KLHL1: variants seen among roughly 807,000 people sequenced by gnomAD.
The protein encoded by KLHL1 is kelch like family member 1.
KLHL1 carries 47 observed loss-of-function variants against 77.7 expected under a neutral mutation model. That is an observed-to-expected ratio of 0.60 (90% CI 0.48 to 0.77). The LOEUF (loss-of-function observed/expected upper bound fraction) is 0.77, where lower values mean the gene tolerates loss of function less well. KLHL1 is among the 30% of genes least tolerant of loss of function. The probability of loss-of-function intolerance (pLI) is 0.00; values close to 1 mark genes in which losing one functional copy is unlikely to be tolerated. For synonymous variants in KLHL1, 360 were observed against 325.2 expected (o/e 1.11, Z -1.15); for missense variants, 925 against 910.8 (o/e 1.02, Z -0.20).
intron 1 of KLHL1, among the ~76,000 whole-genome samples, chr13:70,034,738 G>A (rs985213167): frequency 1.2e-4 from 18 of 152,094 alleles, no homozygotes; most frequent in African/African-American, 3.1e-4. Context: ...ATACACCATC[G>A]TTCTTTTCTC....
chr13:69,975,465 A>G (rs1884516840), intron 2 of KLHL1, among the ~76,000 whole-genome samples, 155 bp downstream of exon 2: 1 of 149,912 alleles, frequency 6.7e-6, no homozygotes, highest in Non-Finnish European at 1.5e-5. Context: ...AGAAATAAAA[A>G]CAAGTATAAA....
At chr13:69,729,395 TTAAGA>T (rs1873443514) in intron 8 of KLHL1, among the ~76,000 whole-genome samples, 1 of 152,118 alleles carries the variant, frequency 6.6e-6, no homozygotes. Flanking sequence ...TAACCTAAAC[TTAAGA>T]TAAGTGTTCA....
In KLHL1 at chr13:70,048,740, G is replaced by A. The variant is rs114453606; in HGVS notation, c.497+58463C>T. 6.0e-3 allele frequency among the ~76,000 whole-genome samples: 917 copies of A among 152,286 alleles called. 16 individuals carry two copies. The highest frequency in any genetic ancestry group is 0.021 in the African/African-American group (860 of 41,570). On this transcript the variant is annotated intron_variant, in intron 1 of 10. Transcript: ENST00000377844. ...GAAGAGTTCAGGCAGTGATGCCAGC[G>A]ATGGAGAGCAGTTGTAAATACAGAT...
chr13:69,820,705 C>A (rs975646687), intron 6 of KLHL1, among the ~76,000 whole-genome samples: 1 of 152,190 alleles, frequency 6.6e-6, no homozygotes, highest in East Asian at 1.9e-4. Flanking sequence ...ACATTCAGGC[C>A]GAATTTGCTC....
intron 1 of KLHL1, among the ~76,000 whole-genome samples, chr13:70,038,469 A>G (rs1305940781): frequency 6.6e-6 from 1 of 152,132 alleles, no homozygotes; most frequent in Non-Finnish European, 1.5e-5. Context: ...CTAATTTTTT[A>G]AGAAACTGCC....
intron 4 of KLHL1, among the ~76,000 whole-genome samples, chr13:69,887,190 C>T (rs141780250): frequency 6.6e-6 from 1 of 152,250 alleles, no homozygotes; most frequent in East Asian, 1.9e-4. Context: ...CATGGTTCTA[C>T]TATTTTAAGG....
At chr13:70,102,031 A>G (rs916807846) in intron 1 of KLHL1, among the ~76,000 whole-genome samples, 3 of 152,066 alleles carry the variant, frequency 2.0e-5, no homozygotes, top group Admixed American at 6.6e-5. Flanking sequence ...GTGGTAAAGA[A>G]GATGAATATT....
At chr13:70,029,864 G>A (rs1234074337) in intron 1 of KLHL1, among the ~76,000 whole-genome samples, 3 of 152,136 alleles carry the variant, frequency 2.0e-5, no homozygotes, top group Admixed American at 6.5e-5. Flanking sequence ...CATCTCATGT[G>A]CAGAGACACA....
At chr13:69,813,467 T>A (rs1301494062) in intron 6 of KLHL1, among the ~76,000 whole-genome samples, 4 of 134,652 alleles carry the variant, frequency 3.0e-5, no homozygotes, top group African/African-American at 1.1e-4. Flanking sequence ...AATACACACA[T>A]ATATACACAC....
intron 4 of KLHL1, among the ~76,000 whole-genome samples, chr13:69,918,354 GA>G (rs1464048311): frequency 2.0e-5 from 3 of 151,784 alleles, no homozygotes; most frequent in South Asian, 4.1e-4. Flanking sequence ...TACGAAGAGT[GA>G]TTTTTTTATT....
chr13:69,858,790 A>C (rs1880021990), intron 5 of KLHL1, among the ~76,000 whole-genome samples: 1 of 152,102 alleles, frequency 6.6e-6, no homozygotes, highest in African/African-American at 2.4e-5. Flanking sequence ...TTAAGCAATA[A>C]TGATAAGTAC....
At chr13:69,769,505 G>T (rs1875462460) in intron 7 of KLHL1, among the ~76,000 whole-genome samples, 1 of 152,120 alleles carries the variant, frequency 6.6e-6, no homozygotes. Flanking sequence ...CCTGAAAACT[G>T]GGCTGCTGGT....
In KLHL1 at chr13:69,940,157, T is replaced by G; in HGVS notation, c.897A>C (p.Glu299Asp). Reference sequence around the variant, plus strand: ...GCTTCATGAGGAAGTGGCAGCACACTTCCACCACCTGTGGAAGCTGAAGAA... The same window carrying G: ...GCTTCATGAGGAAGTGGCAGCACACGTCCACCACCTGTGGAAGCTGAAGAA... ...ACLLQLPQVV[E>D]VCCHFLMKLL... The change falls in exon 4 of 11, where the codon GAA (glutamate) becomes GAC (aspartate). Residue 299 changes from glutamate to aspartate, a missense_variant. Transcript: ENST00000377844. 6.2e-7 allele frequency: 1 copy of G among 1,612,768 alleles called. No homozygotes were observed. Among genetic ancestry groups the G allele is most frequent in the Middle Eastern group, 1.7e-4 (1 of 5,834 alleles).
At chr13:69,892,085 A>G (rs1021768861) in intron 4 of KLHL1, among the ~76,000 whole-genome samples, 1 of 152,116 alleles carries the variant, frequency 6.6e-6, no homozygotes, top group Non-Finnish European at 1.5e-5. Context: ...ACTTCCTGGT[A>G]GAGCCTAAAC....
At chr13:70,056,149 AG>A (rs371740970) in intron 1 of KLHL1, among the ~76,000 whole-genome samples, 24 of 152,168 alleles carry the variant, frequency 1.6e-4, no homozygotes, top group African/African-American at 5.5e-4. Context: ...AATGGAAAAA[AG>A]ATATCCCATG....
chr13:69,835,142 C>T (rs749337355), intron 6 of KLHL1, among the ~76,000 whole-genome samples: 9 of 151,840 alleles, frequency 5.9e-5, no homozygotes, highest in Non-Finnish European at 1.3e-4. Flanking sequence ...GACAAAATAC[C>T]TACATTTCAA....
intron 6 of KLHL1, among the ~76,000 whole-genome samples, chr13:69,810,660 A>G: frequency 6.6e-6 from 1 of 152,076 alleles, no homozygotes; most frequent in East Asian, 1.9e-4. Flanking sequence ...CAAAGCTAGC[A>G]GATTAAAATA....
chr13:70,098,801 A>G (rs1482889802), intron 1 of KLHL1, among the ~76,000 whole-genome samples: 1 of 151,734 alleles, frequency 6.6e-6, no homozygotes, highest in Non-Finnish European at 1.5e-5. Flanking sequence ...CTGCTGTATT[A>G]TATTATAGTT....
intron 4 of KLHL1, among the ~76,000 whole-genome samples, chr13:69,910,395 T>G (rs1882197267): frequency 6.6e-6 from 1 of 152,238 alleles, no homozygotes; most frequent in Admixed American, 6.5e-5. Flanking sequence ...TAATTTTGAC[T>G]GATGTATTAG....
Sources: allele counts gnomAD v4.1 joint callset (sites outside exome capture counted in the v4.1 genomes callset), GRCh38; gene constraint gnomAD v4.1.1; transcripts MANE v1.5; gene names NCBI Gene and HGNC (gene_info 2026-07-23, HGNC 2026-07-21).